CSPP1: variants seen among roughly 807,000 people sequenced by gnomAD.
The protein encoded by CSPP1 is centrosome and spindle pole associated protein 1, also known as centrosome and spindle pole-associated protein 1.
A neutral mutation model predicts 164.4 loss-of-function variants in CSPP1; 126 were observed. The ratio of observed to expected loss-of-function variants is 0.77; its 90% CI spans 0.66 to 0.89. The LOEUF (loss-of-function observed/expected upper bound fraction) is 0.89. Among genes scored for constraint, CSPP1 ranks in the 40% least tolerant of loss-of-function variants. The pLI is 0.00. For synonymous variants in CSPP1, 472 were observed against 476.7 expected (o/e 0.99, Z 0.13); for missense variants, 1,395 against 1,449.8 (o/e 0.96, Z 0.61).
intron 29 of CSPP1, among the ~76,000 whole-genome samples, chr8:67,191,638 T>G (rs964127487): frequency 6.6e-6 from 1 of 152,254 alleles, no homozygotes; most frequent in Admixed American, 6.5e-5. Context: ...TTCCACTGTA[T>G]TAGTATCCCA....
chr8:67,167,831 G>A (rs1829731152), intron 24 of CSPP1, among the ~76,000 whole-genome samples: 1 of 151,778 alleles, frequency 6.6e-6, no homozygotes. Flanking sequence ...CCGGGCAGAG[G>A]GGCTCCTCAC....
At chr8:67,066,182 T>C (rs879154015) in intron 1 of CSPP1, among the ~76,000 whole-genome samples, 2 of 152,198 alleles carry the variant, frequency 1.3e-5, no homozygotes, top group Admixed American at 6.5e-5. Flanking sequence ...ACTCTCTCTT[T>C]GTATCCTGTC....
rs529781756 is a variant in CSPP1, at chr8:67,088,171, T to C, written c.303+2061T>C. On this transcript the variant is annotated intron_variant, in intron 4 of 30. Transcript: ENST00000678616. The stretch of plus-strand genomic sequence containing the variant: ...CTCTTGTAGGTTTTGCATTACTCCC[T>C]AGGTAAGATTTTTAAAAAGGATAGT... Among the ~76,000 whole-genome samples the C allele has an allele frequency of 4.6e-5, 7 of 152,250 alleles. No homozygotes were observed. In the East Asian group the frequency reaches 1.4e-3, roughly 29 times the overall value.
chr8:67,069,062 C>T (rs1806168785), intron 1 of CSPP1: 1 of 152,270 alleles, frequency 6.6e-6, no homozygotes, highest in Non-Finnish European at 1.5e-5. Context: ...TCCCCCAAAT[C>T]ACCCAACACA....
chr8:67,195,326 ATGTCTCCTGCCTGCCACCTG>A, intron 30 of CSPP1, 36 bp from the exon 31 acceptor site: 1 of 1,083,632 alleles, frequency 9.2e-7, no homozygotes, highest in South Asian at 1.2e-5. Context: ...ACCTGCGCTT[ATGTCTCCTGCCTGCCACCTG>A]TGTTACCTGA....
At chr8:67,095,764 T>G (rs1416934866) in intron 7 of CSPP1, 32 bp downstream of exon 7, 5 of 1,256,868 alleles carry the variant, frequency 4.0e-6, no homozygotes, top group Non-Finnish European at 5.6e-6. Context: ...TTTTATTTGC[T>G]TAATATAGCA....
chr8:67,162,182 C>G (rs116342336), intron 22 of CSPP1, among the ~76,000 whole-genome samples: 287 of 152,236 alleles, frequency 1.9e-3, no homozygotes, highest in African/African-American at 6.7e-3. Context: ...TTAGATTGAA[C>G]TACAAGGAAA....
rs914830318 is a variant in CSPP1, at chr8:67,158,685, A to G, written c.2391+89A>G. 21 of 1,448,244 alleles carry G rather than the reference A, an allele frequency of 1.5e-5. No homozygotes were observed. The African/African-American group carries it at 2.9e-4, about 20-fold the overall frequency. 89.7% of individuals were successfully genotyped at this position (1,448,244 alleles called of 1,614,324 possible). ...AGGTATTTCTTACTTATAAAGGAGA[A>G]CAGTGTTGGAGTACATTTAGAAAAT... On this transcript the variant is annotated intron_variant, in intron 20 of 30. Coordinates refer to ENST00000678616, the MANE Select transcript of CSPP1 (RefSeq NM_001382391.1).
rs1835989620 is a variant in CSPP1 at position 67,190,745 on chromosome 8, A to G, written c.3316A>G (p.Lys1106Glu). ...ACGGGAGCGCAGGAGGAACAAATGG[A>G]AAGGACTAGACATTGTATGTATGAG... is the stretch of plus-strand genomic sequence containing the variant. ...SARERRRNKW[K>E]GLDIDSSRPN... Residue 1106 changes from lysine to glutamate, a missense_variant, in exon 29 of 31, where the codon AAA becomes GAA. Physicochemically the swap from Lys to Glu is moderately conservative, Grantham distance 56. Coordinates refer to ENST00000678616, the MANE Select transcript of CSPP1 (RefSeq NM_001382391.1). 6.2e-7 allele frequency: 1 copy of G among 1,610,148 alleles called. No individual in the cohort carries two copies. Among genetic ancestry groups the G allele is most frequent in the Non-Finnish European group, 8.5e-7 (1 of 1,176,374 alleles).
chr8:67,172,613 T>G, intron 25 of CSPP1, 58 bp downstream of exon 25: 1 of 1,412,652 alleles, frequency 7.1e-7, no homozygotes. Context: ...CATATTTAAA[T>G]ATCTATAAAG....
intron 28 of CSPP1, among the ~76,000 whole-genome samples, chr8:67,189,585 T>C (rs1835637046): frequency 6.6e-6 from 1 of 152,224 alleles, no homozygotes; most frequent in South Asian, 2.1e-4. Flanking sequence ...ATCAATTATA[T>C]GTTAAACAAT....
intron 17 of CSPP1, among the ~76,000 whole-genome samples, chr8:67,144,471 G>C (rs1824096122): frequency 6.6e-6 from 1 of 152,070 alleles, no homozygotes; most frequent in Non-Finnish European, 1.5e-5. Context: ...ACAGAGTCTT[G>C]CTCTGTCGCA....
intron 6 of CSPP1, among the ~76,000 whole-genome samples, chr8:67,094,300 G>A (rs1273679321): frequency 7.5e-6 from 1 of 133,878 alleles, no homozygotes; most frequent in Admixed American, 7.8e-5. Flanking sequence ...TTGAGACGGA[G>A]TCTTGCTCTG....
At chr8:67,115,851 G>A (rs1421615790) in intron 12 of CSPP1, 63 bp from the exon 13 acceptor site, 13 of 1,280,950 alleles carry the variant, frequency 1.0e-5, no homozygotes, top group Admixed American at 7.0e-5. Flanking sequence ...GGTCTTTTGA[G>A]GTCCCTTCCA....
intron 1 of CSPP1, among the ~76,000 whole-genome samples, chr8:67,070,722 AATAT>A (rs150664487): frequency 1.0e-4 from 15 of 144,912 alleles, no homozygotes; most frequent in African/African-American, 3.3e-4. Context: ...TATATATGTA[AATAT>A]ATATATATAT....
chr8:67,192,804 G>T (rs1227926866), intron 29 of CSPP1, among the ~76,000 whole-genome samples: 2 of 152,126 alleles, frequency 1.3e-5, no homozygotes, highest in African/African-American at 2.4e-5. Context: ...GTCCATAAAC[G>T]TAAGGATTTA....
chr8:67,159,834 CTTTCTTTCTTTCTTTCTT>C (rs1432766316), intron 21 of CSPP1, among the ~76,000 whole-genome samples: 8 of 127,358 alleles, frequency 6.3e-5, no homozygotes, highest in African/African-American at 1.5e-4. Context: ...CTCTCTCTTT[CTTTCTTTCTTTCTTTCTT>C]TTTCTTTCTT....
chr8:67,160,380 G>T (rs549615252), intron 21 of CSPP1, among the ~76,000 whole-genome samples: 1 of 150,830 alleles, frequency 6.6e-6, no homozygotes, highest in Admixed American at 6.6e-5. Context: ...CAAGAGAATC[G>T]CCTGAACTTG....
rs181552542 is a variant in CSPP1, at chr8:67,148,189, G to A, written c.1976-1594G>A. 1.1e-4 allele frequency among the ~76,000 whole-genome samples: 16 copies of A among 152,268 alleles called. No individual in the cohort carries two copies. In the East Asian group the frequency reaches 3.1e-3, roughly 29 times the overall value. On this transcript the variant is annotated intron_variant, in intron 17 of 30. Coordinates refer to ENST00000678616, the MANE Select transcript of CSPP1 (RefSeq NM_001382391.1). ...CCTCTTTGGCCTCCCAAAGTGCTGG[G>A]ATTATAGGTGTGAGCCACCACGCCC...
Sources: allele counts gnomAD v4.1 joint callset (sites outside exome capture counted in the v4.1 genomes callset), GRCh38; gene constraint gnomAD v4.1.1; transcripts MANE v1.5; gene names NCBI Gene and HGNC (gene_info 2026-07-23, HGNC 2026-07-21).